Variants in SRPK2 observed in about 807,000 individuals in gnomAD.
The protein encoded by SRPK2 is SFRS protein kinase 2.
A neutral mutation model predicts 90.8 loss-of-function variants in SRPK2; 21 were observed. The ratio of observed to expected loss-of-function variants is 0.23; its 90% confidence interval spans 0.16 to 0.33. The LOEUF is 0.33. SRPK2 is among the 10% of genes least tolerant of loss of function. The probability of loss-of-function intolerance (pLI) is 1.00; values close to 1 mark genes in which losing one functional copy is unlikely to be tolerated. For missense variants in SRPK2, 620 were observed against 869.0 expected (o/e 0.71, Z 3.60); for synonymous variants, 288 against 311.1 (o/e 0.93, Z 0.78).
At chr7:105,249,440 G>A (rs1166142942) in intron 2 of SRPK2, among the ~76,000 whole-genome samples, 1 of 151,788 alleles carries the variant, frequency 6.6e-6, no homozygotes, top group East Asian at 1.9e-4. Context: ...GACACAGCTA[G>A]AAGAACAGTA....
At chr7:105,269,637 A>G (rs1323685124) in intron 2 of SRPK2, among the ~76,000 whole-genome samples, 3 of 152,232 alleles carry the variant, frequency 2.0e-5, no homozygotes, top group Non-Finnish European at 4.4e-5. Flanking sequence ...TAATTAAAAG[A>G]TAATTGCTGA....
chr7:105,176,585 A>G (rs62488066), intron 3 of SRPK2, among the ~76,000 whole-genome samples: 1,306 of 30,746 alleles, frequency 0.042, 13 homozygotes, highest in Admixed American at 0.084. Context: ...GTGTGTATGT[A>G]TATATGTGTG....
At chr7:105,159,464 A>ACAAAAAAAAAAAAAAAAAAAAAAAAAC (rs1230460659) in intron 7 of SRPK2, among the ~76,000 whole-genome samples, 3 of 141,680 alleles carry the variant, frequency 2.1e-5, no homozygotes, top group African/African-American at 8.8e-5. Flanking sequence ...AAAAAAAAAA[A>ACAAAAAAAAAAAAAAAAAAAAAAAAAC]AAAAAAAAAC....
At chr7:105,398,405 C>T (rs867324335) in intron 1 of SRPK2, among the ~76,000 whole-genome samples, 5 of 132,760 alleles carry the variant, frequency 3.8e-5, no homozygotes, top group African/African-American at 5.7e-5. Context: ...TTTTTTGAGA[C>T]GGAGTTTTGC....
intron 2 of SRPK2, among the ~76,000 whole-genome samples, chr7:105,261,132 C>G (rs1383019191): frequency 5.9e-5 from 9 of 151,420 alleles, no homozygotes; most frequent in Non-Finnish European, 7.4e-5. Context: ...TTTAATGTTG[C>G]CATTTTGGCA....
intron 6 of SRPK2, among the ~76,000 whole-genome samples, chr7:105,161,731 C>T (rs1360619338): frequency 1.3e-5 from 2 of 152,188 alleles, no homozygotes; most frequent in Non-Finnish European, 2.9e-5. Context: ...CTACATAAAA[C>T]ACATTATAAA....
chr7:105,269,416 G>A (rs970183227), intron 2 of SRPK2, among the ~76,000 whole-genome samples: 3 of 152,100 alleles, frequency 2.0e-5, no homozygotes, highest in African/African-American at 7.2e-5. Flanking sequence ...TTTCTTGATT[G>A]TGTTTAATTA....
chr7:105,149,299 A>G (rs992156547), intron 7 of SRPK2, among the ~76,000 whole-genome samples: 9 of 152,286 alleles, frequency 5.9e-5, no homozygotes, highest in East Asian at 1.9e-4. Flanking sequence ...TCTTTACTCC[A>G]CTAAGATGTT....
intron 2 of SRPK2, among the ~76,000 whole-genome samples, chr7:105,329,751 C>G (rs1054080887): frequency 4.6e-5 from 7 of 152,188 alleles, no homozygotes; most frequent in African/African-American, 7.2e-5. Context: ...TTAAGAACAC[C>G]CGGCATGGTG....
intron 15 of SRPK2, among the ~76,000 whole-genome samples, chr7:105,124,499 G>A (rs913055473): frequency 6.6e-6 from 1 of 151,830 alleles, no homozygotes; most frequent in African/African-American, 2.4e-5. Context: ...AAATTAGCCG[G>A]GCGTGGTGGC....
At chr7:105,304,616 A>G (rs916419848) in intron 2 of SRPK2, among the ~76,000 whole-genome samples, 4 of 152,228 alleles carry the variant, frequency 2.6e-5, no homozygotes, top group African/African-American at 9.6e-5. Context: ...GTCTTGCCCA[A>G]AGACTTGCCC....
At chr7:105,226,295 A>AT (rs995646082) in intron 2 of SRPK2, among the ~76,000 whole-genome samples, 59 of 150,192 alleles carry the variant, frequency 3.9e-4, no homozygotes, top group African/African-American at 4.6e-4. Context: ...GAAAGAAATA[A>AT]TTTTTTTTTT....
At chr7:105,333,257 A>G (rs1814660357) in intron 2 of SRPK2, among the ~76,000 whole-genome samples, 1 of 152,246 alleles carries the variant, frequency 6.6e-6, no homozygotes, top group Non-Finnish European at 1.5e-5. Context: ...GTAAATTGTG[A>G]TGTATGAAAT....
At chr7:105,184,276 G>A (rs1159382088) in intron 3 of SRPK2, among the ~76,000 whole-genome samples, 2 of 152,096 alleles carry the variant, frequency 1.3e-5, no homozygotes, top group African/African-American at 4.8e-5. Flanking sequence ...ACCACACCTG[G>A]TCTATTACTA....
chr7:105,127,111 A>G lies in SRPK2; in HGVS notation c.1753-49T>C, dbSNP rs201820252. The G allele has an allele frequency of 1.9e-6, 3 of 1,581,834 alleles. 1 individual carries two copies. The highest frequency in any genetic ancestry group is 4.5e-5 in the East Asian group (2 of 44,718). ...TAAGCACTTCAGAGACTGGCCCCCA[A>G]GTCAACAGCTTTTTCTCCTTATAGA... On this transcript the variant is annotated intron_variant, in intron 13 of 15. Transcript: ENST00000393651.
At chr7:105,200,834 C>G (rs1449160115) in intron 3 of SRPK2, among the ~76,000 whole-genome samples, 1 of 152,164 alleles carries the variant, frequency 6.6e-6, no homozygotes, top group East Asian at 1.9e-4. Context: ...AAAGAAATTA[C>G]AAAAACAAGA....
intron 6 of SRPK2, among the ~76,000 whole-genome samples, chr7:105,164,351 T>C (rs950272102): frequency 6.6e-6 from 1 of 152,230 alleles, no homozygotes; most frequent in African/African-American, 2.4e-5. Context: ...ATGTAAATGT[T>C]CCTGTTCATT....
intron 2 of SRPK2, among the ~76,000 whole-genome samples, chr7:105,354,211 G>A (rs1300011422): frequency 6.6e-6 from 1 of 152,180 alleles, no homozygotes; most frequent in Non-Finnish European, 1.5e-5. Flanking sequence ...CCCCATGTAT[G>A]GTGGGACCAC....
At chr7:105,135,761 G>A (rs1006666626) in intron 11 of SRPK2, among the ~76,000 whole-genome samples, 2 of 151,080 alleles carry the variant, frequency 1.3e-5, no homozygotes, top group Non-Finnish European at 2.9e-5. Context: ...TTTAAATGCA[G>A]GGAATTTTTT....
Sources: allele counts gnomAD v4.1 joint callset (sites outside exome capture counted in the v4.1 genomes callset), GRCh38; gene constraint gnomAD v4.1.1; transcripts MANE v1.5; gene names NCBI Gene and HGNC (gene_info 2026-07-23, HGNC 2026-07-21).